The following CNTNAP2 variants were observed in gnomAD, a reference collection of about 807,000 sequenced individuals.
The protein encoded by CNTNAP2 is contactin-associated protein-like 2.
A neutral mutation model predicts 155.2 loss-of-function variants in CNTNAP2; 98 were observed. The ratio of observed to expected loss-of-function variants is 0.63; its 90% CI spans 0.54 to 0.75. The LOEUF is 0.75. CNTNAP2 is among the 30% of genes least tolerant of loss of function. The probability of loss-of-function intolerance (pLI) is 0.00; values close to 1 mark genes in which losing one functional copy is unlikely to be tolerated. For synonymous variants in CNTNAP2, 651 were observed against 631.2 expected (o/e 1.03, Z -0.47); for missense variants, 1,727 against 1,688.1 (o/e 1.02, Z -0.40).
At chr7:148,367,056 C>T (rs560981317) in intron 21 of CNTNAP2, among the ~76,000 whole-genome samples, 5 of 152,078 alleles carry the variant, frequency 3.3e-5, no homozygotes, top group Admixed American at 6.5e-5. Context: ...CATGGTGAAG[C>T]CCTGTCTCTA....
intron 12 of CNTNAP2, among the ~76,000 whole-genome samples, chr7:147,607,092 A>G (rs1801083412): frequency 6.6e-6 from 1 of 152,212 alleles, no homozygotes; most frequent in Non-Finnish European, 1.5e-5. Flanking sequence ...CACTAAGGAA[A>G]GTGATCTGTC....
chr7:147,831,211 CAG>C (rs1039147988), intron 13 of CNTNAP2, among the ~76,000 whole-genome samples: 3 of 152,282 alleles, frequency 2.0e-5, no homozygotes, highest in Admixed American at 2.0e-4. Flanking sequence ...TACATTAAAA[CAG>C]TAGCATTATG....
chr7:147,211,162 T>C (rs964233445), intron 8 of CNTNAP2, among the ~76,000 whole-genome samples: 6 of 152,010 alleles, frequency 3.9e-5, no homozygotes, highest in Admixed American at 2.0e-4. Flanking sequence ...TAGTCAAATG[T>C]CAAATTTAAG....
chr7:148,327,012 G>C (rs1396854567), intron 21 of CNTNAP2, among the ~76,000 whole-genome samples: 5 of 152,208 alleles, frequency 3.3e-5, no homozygotes, highest in African/African-American at 1.2e-4. Flanking sequence ...CCCTCTGGAA[G>C]AGCCAGGTTT....
At chr7:146,445,504 G>T (rs1051650753) in intron 1 of CNTNAP2, among the ~76,000 whole-genome samples, 6 of 152,104 alleles carry the variant, frequency 3.9e-5, no homozygotes, top group Non-Finnish European at 8.8e-5. Context: ...CAGATCAGTG[G>T]AAGACTTAAG....
chr7:147,427,606 A>C (rs1797400508), intron 10 of CNTNAP2, among the ~76,000 whole-genome samples: 1 of 152,202 alleles, frequency 6.6e-6, no homozygotes, highest in Admixed American at 6.5e-5. Context: ...TAGGGAACAC[A>C]ACAAGGAGTA....
intron 1 of CNTNAP2, among the ~76,000 whole-genome samples, chr7:146,406,159 C>T (rs1795788741): frequency 6.6e-6 from 1 of 152,142 alleles, no homozygotes; most frequent in Non-Finnish European, 1.5e-5. Context: ...TTAAGATATG[C>T]TTGAAAGTTC....
At chr7:146,443,017 T>G (rs575586847) in intron 1 of CNTNAP2, among the ~76,000 whole-genome samples, 45 of 151,580 alleles carry the variant, frequency 3.0e-4, no homozygotes, top group African/African-American at 1.1e-3. Context: ...CAATCCTGGC[T>G]AGCACAGTGA....
intron 3 of CNTNAP2, among the ~76,000 whole-genome samples, chr7:146,975,173 A>T (rs563451084): frequency 6.6e-6 from 1 of 152,066 alleles, no homozygotes; most frequent in Non-Finnish European, 1.5e-5. Context: ...TGAATAAGAC[A>T]GTAGCTCACG....
intron 1 of CNTNAP2, among the ~76,000 whole-genome samples, chr7:146,602,629 T>C (rs1798968547): frequency 6.6e-6 from 1 of 152,250 alleles, no homozygotes; most frequent in African/African-American, 2.4e-5. Flanking sequence ...ATAACTACGT[T>C]GCCCTTGATA....
At chr7:146,391,293 G>C (rs1795540432) in intron 1 of CNTNAP2, among the ~76,000 whole-genome samples, 1 of 151,788 alleles carries the variant, frequency 6.6e-6, no homozygotes, top group Non-Finnish European at 1.5e-5. Flanking sequence ...CTGTGATTCT[G>C]TTGGAAGAAA....
intron 1 of CNTNAP2, among the ~76,000 whole-genome samples, chr7:146,479,017 AG>A (rs1184386252): frequency 6.6e-6 from 1 of 152,178 alleles, no homozygotes; most frequent in Non-Finnish European, 1.5e-5. Context: ...GTATTGAAGT[AG>A]GAAAAAAATA....
chr7:147,212,891 C>G (rs937917202), intron 8 of CNTNAP2, among the ~76,000 whole-genome samples: 2 of 152,092 alleles, frequency 1.3e-5, no homozygotes, highest in Admixed American at 1.3e-4. Flanking sequence ...AATATATTCT[C>G]AAATTCCTGG....
At chr7:147,564,460 A>C (rs942554415) in intron 12 of CNTNAP2, among the ~76,000 whole-genome samples, 20 of 152,170 alleles carry the variant, frequency 1.3e-4, no homozygotes, top group Non-Finnish European at 2.2e-4. Context: ...AATTTATAAG[A>C]ATCTCGATTC....
intron 15 of CNTNAP2, among the ~76,000 whole-genome samples, chr7:148,093,206 A>G (rs911878605): frequency 6.6e-6 from 1 of 152,002 alleles, no homozygotes; most frequent in South Asian, 2.1e-4. Context: ...AAAAAATTAA[A>G]TTTTTTTAAA....
At chr7:147,170,420 CTTTGTTTGTTTG>C (rs145029603) in intron 8 of CNTNAP2, among the ~76,000 whole-genome samples, 1 of 151,920 alleles carries the variant, frequency 6.6e-6, no homozygotes, top group African/African-American at 2.4e-5. Flanking sequence ...TGTGCCGTGG[CTTTGTTTGTTTG>C]TTTGTTTGTT....
intron 22 of CNTNAP2, among the ~76,000 whole-genome samples, chr7:148,406,727 C>T (rs1799711417): frequency 6.6e-6 from 1 of 152,236 alleles, no homozygotes; most frequent in African/African-American, 2.4e-5. Context: ...TGCAAGTTTT[C>T]ATTCCTGAAA....
At chr7:147,091,150 C>T (rs1048255248) in intron 4 of CNTNAP2, among the ~76,000 whole-genome samples, 2 of 151,966 alleles carry the variant, frequency 1.3e-5, no homozygotes, top group Non-Finnish European at 2.9e-5. Flanking sequence ...CTCTTAGATT[C>T]CTCGTCCCCT....
intron 1 of CNTNAP2, among the ~76,000 whole-genome samples, chr7:146,457,674 T>C (rs1197904069): frequency 2.7e-5 from 4 of 150,722 alleles, no homozygotes. Flanking sequence ...CGGTTAATTT[T>C]TTTTATTTTT....
Sources: allele counts gnomAD v4.1 joint callset (sites outside exome capture counted in the v4.1 genomes callset), GRCh38; gene constraint gnomAD v4.1.1; transcripts MANE v1.5; gene names NCBI Gene and HGNC (gene_info 2026-07-23, HGNC 2026-07-21).